The following FUT9 variants were observed in gnomAD, a reference collection of about 807,000 sequenced individuals.
FUT9 encodes fucosyltransferase 9.
Under a neutral mutation model 29.7 loss-of-function variants are expected in FUT9, and 15 were observed. That is an observed-to-expected ratio of 0.51 (90% confidence interval 0.34 to 0.78). The LOEUF is 0.78. FUT9 is among the 30% of genes least tolerant of loss of function. The pLI, the probability that FUT9 is intolerant of heterozygous loss-of-function variation, is 0.01. For missense variants in FUT9, 319 were observed against 425.4 expected (o/e 0.75, Z 2.20); for synonymous variants, 169 against 153.7 (o/e 1.10, Z -0.74).
chr6:96,176,744 C>T (rs1773211801), intron 2 of FUT9, among the ~76,000 whole-genome samples: 2 of 152,138 alleles, frequency 1.3e-5, no homozygotes, highest in Non-Finnish European at 2.9e-5. Flanking sequence ...GCTTGCCCTG[C>T]TGGCTTTGGT....
At chr6:96,058,830 G>A (rs1363382152) in intron 1 of FUT9, among the ~76,000 whole-genome samples, 1 of 152,122 alleles carries the variant, frequency 6.6e-6, no homozygotes, top group Non-Finnish European at 1.5e-5. Flanking sequence ...TACTTGTTCA[G>A]TAGAATTTTG....
intron 2 of FUT9, among the ~76,000 whole-genome samples, chr6:96,130,681 T>A (rs187969886): frequency 9.2e-5 from 14 of 152,308 alleles, no homozygotes; most frequent in African/African-American, 3.1e-4. Context: ...TCCTTCAAGA[T>A]AATACAGTAA....
At chr6:96,107,974 C>T (rs1023242931) in intron 1 of FUT9, among the ~76,000 whole-genome samples, 5 of 147,444 alleles carry the variant, frequency 3.4e-5, no homozygotes, top group Non-Finnish European at 1.5e-5. Context: ...ATGCACGTCT[C>T]TCATGGCCAC....
chr6:96,116,691 T>G (rs1771917764), intron 2 of FUT9, among the ~76,000 whole-genome samples: 1 of 152,210 alleles, frequency 6.6e-6, no homozygotes, highest in Non-Finnish European at 1.5e-5. Context: ...CCCAAATGAC[T>G]GCATATTTAA....
chr6:96,155,246 A>G (rs926333959), intron 2 of FUT9, among the ~76,000 whole-genome samples: 3 of 152,146 alleles, frequency 2.0e-5, no homozygotes, highest in Admixed American at 6.6e-5. Flanking sequence ...AAAAACGCTC[A>G]GTGTCAAAAG....
intron 2 of FUT9, among the ~76,000 whole-genome samples, chr6:96,193,939 G>A (rs182577391): frequency 1.1e-4 from 17 of 152,200 alleles, no homozygotes; most frequent in East Asian, 3.9e-4. Flanking sequence ...CATTCTCAGC[G>A]AACTATCGCA....
chr6:96,046,988 A>G (rs139136008), intron 1 of FUT9, among the ~76,000 whole-genome samples: 229 of 152,310 alleles, frequency 1.5e-3, no homozygotes, highest in African/African-American at 5.3e-3. Context: ...AGAAAACTTT[A>G]TCTCTGAAAC....
At chr6:96,085,313 G>C (rs933022628) in intron 1 of FUT9, among the ~76,000 whole-genome samples, 5 of 152,158 alleles carry the variant, frequency 3.3e-5, no homozygotes, top group Non-Finnish European at 5.9e-5. Flanking sequence ...TGCCAGCAGA[G>C]TTGATGTCTA....
chr6:96,020,931 G>A (rs1451486597), intron 1 of FUT9: 1 of 151,948 alleles, frequency 6.6e-6, no homozygotes, highest in East Asian at 1.9e-4. Context: ...CTTTATTGAG[G>A]GCCTATGGGG....
intron 2 of FUT9, among the ~76,000 whole-genome samples, chr6:96,175,771 G>T (rs145031033): frequency 2.4e-4 from 36 of 152,318 alleles, no homozygotes; most frequent in African/African-American, 8.2e-4. Flanking sequence ...GGCTATGTGG[G>T]CCATTCAGTC....
intron 2 of FUT9, among the ~76,000 whole-genome samples, chr6:96,128,777 G>A (rs944796154): frequency 6.6e-6 from 1 of 151,922 alleles, no homozygotes; most frequent in African/African-American, 2.4e-5. Flanking sequence ...TTACCAATCA[G>A]TGCTAAGCAA....
chr6:96,155,813 A>G (rs1772774008), intron 2 of FUT9, among the ~76,000 whole-genome samples: 1 of 150,488 alleles, frequency 6.6e-6, no homozygotes, highest in African/African-American at 2.5e-5. Flanking sequence ...GAGTCTCAGA[A>G]GGACCTAACC....
rs1212000665 is a variant in FUT9 at position 96,205,267 on chromosome 6, T to C, written c.*1032T>C. 1 of 167,004 alleles carries C rather than the reference T, an allele frequency of 6.0e-6. No homozygotes were observed. Among genetic ancestry groups the C allele is most frequent in the Admixed American group, 6.6e-5 (1 of 15,250 alleles). The allele number at this position is 167,004 out of a possible 1,614,324, so 10.3% of individuals were successfully genotyped here. ...AGCCTAAATAAAATTATCATCAAGG[T>C]ATTAAATATAAGACGTTAAATATAA... is the stretch of plus-strand genomic sequence containing the variant. On this transcript the variant is annotated 3_prime_UTR_variant, in exon 3 of 3. Coordinates refer to ENST00000302103, the MANE Select transcript of FUT9 (RefSeq NM_006581.4).
intron 2 of FUT9, among the ~76,000 whole-genome samples, chr6:96,128,759 A>C (rs1772178273): frequency 6.6e-6 from 1 of 152,094 alleles, no homozygotes; most frequent in African/African-American, 2.4e-5. Context: ...ATATATAATA[A>C]TATATTCTTA....
chr6:96,124,220 C>T (rs1772089166), intron 2 of FUT9, among the ~76,000 whole-genome samples: 1 of 146,664 alleles, frequency 6.8e-6, no homozygotes, highest in Non-Finnish European at 1.5e-5. Context: ...GGCACAATCT[C>T]AGCTCACTGC....
intron 2 of FUT9, among the ~76,000 whole-genome samples, chr6:96,181,892 T>A (rs550651099): frequency 6.6e-6 from 1 of 152,112 alleles, no homozygotes. Flanking sequence ...TAAACATTCA[T>A]GTGCAAGTAT....
intron 2 of FUT9, among the ~76,000 whole-genome samples, chr6:96,159,061 A>G (rs563521376): frequency 9.8e-5 from 15 of 152,318 alleles, no homozygotes; most frequent in Admixed American, 4.6e-4. Context: ...ATCTTTTCTA[A>G]TAATGCTTCT....
chr6:96,117,001 A>G (rs751928089), intron 2 of FUT9, among the ~76,000 whole-genome samples: 1 of 152,206 alleles, frequency 6.6e-6, no homozygotes, highest in Non-Finnish European at 1.5e-5. Context: ...AATGGGGTGG[A>G]AACAGTGACA....
In FUT9 at chr6:96,038,063, G is replaced by A. The variant is rs537570370; in HGVS notation, c.-98+21851G>A. ...TGAACAGAGAGTGATGCTTCGGAGCGTTGCCACAAGGTCAATGGCTCCTAA... is the reference window on the plus strand; with the variant it reads ...TGAACAGAGAGTGATGCTTCGGAGCATTGCCACAAGGTCAATGGCTCCTAA... On this transcript the variant is annotated intron_variant, in intron 1 of 2. Transcript: ENST00000302103. Among the ~76,000 whole-genome samples the A allele has an allele frequency of 6.6e-5, 10 of 152,224 alleles. No individual in the cohort carries two copies. In the South Asian group the frequency reaches 1.0e-3, roughly 16 times the overall value.
Sources: gnomAD v4.1 joint callset for allele counts (sites outside exome capture counted in the v4.1 genomes callset) on GRCh38, gnomAD v4.1.1 for gene constraint, MANE v1.5 for transcripts, NCBI Gene and HGNC (gene_info 2026-07-23, HGNC 2026-07-21) for gene names.